Variants in ERG observed in about 807,000 individuals in gnomAD.
The protein encoded by ERG is ETS transcription factor ERG.
ERG carries 9 observed loss-of-function variants against 55.3 expected under a neutral mutation model. That is an observed-to-expected ratio of 0.16 (90% confidence interval 0.10 to 0.28). ERG has a LOEUF of 0.28. Ranked by LOEUF, ERG falls within the 10% of genes least tolerant of loss-of-function variation. The probability of loss-of-function intolerance (pLI) is 1.00; values close to 1 mark genes in which losing one functional copy is unlikely to be tolerated. For synonymous variants in ERG, 223 were observed against 237.3 expected (o/e 0.94, Z 0.55); for missense variants, 434 against 631.6 (o/e 0.69, Z 3.35).
intron 1 of ERG, among the ~76,000 whole-genome samples, chr21:38,592,822 G>A (rs1888468): frequency 0.059 from 8,943 of 152,196 alleles, 879 homozygotes; most frequent in African/African-American, 0.2. Context: ...GGCCATGACC[G>A]CATACTTCTT....
chr21:38,607,431 G>A (rs1388265108), intron 1 of ERG, among the ~76,000 whole-genome samples: 1 of 152,190 alleles, frequency 6.6e-6, no homozygotes, highest in Non-Finnish European at 1.5e-5. Context: ...AGAAGATCGA[G>A]ACCATCCTGG....
intron 2 of ERG, among the ~76,000 whole-genome samples, chr21:38,568,817 G>T (rs1428398112): frequency 6.6e-6 from 1 of 152,192 alleles, no homozygotes; most frequent in African/African-American, 2.4e-5. Flanking sequence ...TGCTACAGGT[G>T]AGTGGACCTA....
At chr21:38,490,766 A>G (rs1438489679) in intron 1 of ERG, among the ~76,000 whole-genome samples, 1 of 152,188 alleles carries the variant, frequency 6.6e-6, no homozygotes, top group Non-Finnish European at 1.5e-5. Flanking sequence ...GCATCAAACT[A>G]AAGCTCCGGG....
At chr21:38,586,928 T>A (rs1452935677), upstream of ERG, among the ~76,000 whole-genome samples, 1 of 152,158 alleles carries the variant, frequency 6.6e-6, no homozygotes, top group African/African-American at 2.4e-5. Flanking sequence ...AGAAAAGTGG[T>A]GCACATACAC....
chr21:38,571,007 CAT>C (rs2059954168), intron 2 of ERG, among the ~76,000 whole-genome samples: 2 of 152,156 alleles, frequency 1.3e-5, no homozygotes, highest in Admixed American at 6.5e-5. Context: ...GAAATGCAAT[CAT>C]GTGAATTTAA....
chr21:38,565,279 A>G (rs182126332), intron 2 of ERG, among the ~76,000 whole-genome samples: 3 of 152,094 alleles, frequency 2.0e-5, no homozygotes, highest in Non-Finnish European at 1.5e-5. Flanking sequence ...CCCCCTCTAG[A>G]CTGTTCCCCA....
At chr21:38,479,877 C>T (rs1240105006) in intron 1 of ERG, among the ~76,000 whole-genome samples, 1 of 152,210 alleles carries the variant, frequency 6.6e-6, no homozygotes, top group Non-Finnish European at 1.5e-5. Flanking sequence ...TACATCTTAG[C>T]AACCACAGCA....
intron 3 of ERG, among the ~76,000 whole-genome samples, chr21:38,416,557 C>A (rs773847918): frequency 1.8e-4 from 27 of 152,196 alleles, no homozygotes; most frequent in Admixed American, 5.9e-4. Context: ...TTTTTAACTG[C>A]CTTAGCACTG....
At chr21:38,432,345 C>T (rs1326401554) in intron 2 of ERG, among the ~76,000 whole-genome samples, 2 of 152,194 alleles carry the variant, frequency 1.3e-5, no homozygotes, top group Non-Finnish European at 1.5e-5. Context: ...CCTCCCACCT[C>T]AGCCTCCCCA....
intron 2 of ERG, among the ~76,000 whole-genome samples, chr21:38,511,460 A>C (rs2059510830): frequency 6.6e-6 from 1 of 152,212 alleles, no homozygotes; most frequent in Non-Finnish European, 1.5e-5. Flanking sequence ...CTACACTGAA[A>C]TTAGACTGCA....
At position 38,557,031 on chromosome 21, in the gene ERG, T is replaced by A. The variant is rs956234353; in HGVS notation, c.-41+18631A>T. Reference sequence around the variant, plus strand: ...GTAGCCGTCACATAGAGTTACTGGGTCTTCCAGGTTCTGCCACCTCCACCG... The same window carrying A: ...GTAGCCGTCACATAGAGTTACTGGGACTTCCAGGTTCTGCCACCTCCACCG... On this transcript the variant is annotated intron_variant, in intron 2 of 8. Transcript: ENST00000398897. 3.9e-5 allele frequency among the ~76,000 whole-genome samples: 6 copies of A among 152,256 alleles called. No individual in the cohort carries two copies. The East Asian group carries it at 1.2e-3, about 29-fold the overall frequency.
chr21:38,424,923 C>T (rs76788386), intron 2 of ERG, among the ~76,000 whole-genome samples: 1,869 of 152,260 alleles, frequency 0.012, 32 homozygotes, highest in African/African-American at 0.042. Flanking sequence ...GACTACTGAC[C>T]GTGGGCAACA....
At chr21:38,573,773 C>T (rs1349895345) in intron 2 of ERG, among the ~76,000 whole-genome samples, 1 of 152,186 alleles carries the variant, frequency 6.6e-6, no homozygotes, top group Admixed American at 6.5e-5. Context: ...GTCCCCTGAG[C>T]CCACTGTTGT....
intron 2 of ERG, among the ~76,000 whole-genome samples, chr21:38,565,509 C>T (rs545799665): frequency 6.6e-6 from 1 of 152,280 alleles, no homozygotes; most frequent in South Asian, 2.1e-4. Context: ...CAGCTTTAAC[C>T]TCACTCCACG....
chr21:38,499,383 C>G (rs748750038), upstream of ERG, among the ~76,000 whole-genome samples: 2 of 152,324 alleles, frequency 1.3e-5, no homozygotes, highest in Non-Finnish European at 2.9e-5. Context: ...ACAGCGAATG[C>G]AGGCCTGAAC....
At chr21:38,478,997 A>C (rs903684991) in intron 1 of ERG, among the ~76,000 whole-genome samples, 1 of 152,186 alleles carries the variant, frequency 6.6e-6, no homozygotes, top group Non-Finnish European at 1.5e-5. Flanking sequence ...ATGTCTCGAC[A>C]CTTACCAAGT....
intron 1 of ERG, among the ~76,000 whole-genome samples, chr21:38,609,007 A>C (rs796765347): frequency 9.2e-5 from 14 of 152,300 alleles, no homozygotes; most frequent in African/African-American, 3.4e-4. Flanking sequence ...AGATTAACAT[A>C]CCCATCATCT....
At position 38,528,596 on chromosome 21, in the gene ERG, C is replaced by T. The variant is rs1296432404; in HGVS notation, c.-41+47066G>A. On this transcript the variant is annotated intron_variant, in intron 2 of 8. Transcript: ENST00000398897. ...CCAAGTAGCTGGGACTACAGGCACCCGCCACTACGCCCGGCTAATTTTTTT... is the reference window on the plus strand; with the variant it reads ...CCAAGTAGCTGGGACTACAGGCACCTGCCACTACGCCCGGCTAATTTTTTT... Among the ~76,000 whole-genome samples the T allele has an allele frequency of 9.6e-5, 9 of 94,080 alleles. 1 individual carries two copies. The highest frequency in any genetic ancestry group is 2.8e-4 in the African/African-American group (8 of 28,602). 61.7% of individuals were successfully genotyped at this position (94,080 alleles called of 152,430 possible).
At chr21:38,622,931 C>CCA (rs1158610576) in intron 1 of ERG, among the ~76,000 whole-genome samples, 35,558 of 122,212 alleles carry the variant, frequency 0.29, 4,778 homozygotes, top group Non-Finnish European at 0.36. Flanking sequence ...CCATACCACA[C>CCA]CACACACACA....
Sources: gnomAD v4.1 joint callset for allele counts (sites outside exome capture counted in the v4.1 genomes callset) on GRCh38, gnomAD v4.1.1 for gene constraint, MANE v1.5 for transcripts, NCBI Gene and HGNC (gene_info 2026-07-23, HGNC 2026-07-21) for gene names.